KIF26B: variants seen among roughly 807,000 people sequenced by gnomAD.
KIF26B encodes kinesin-like protein KIF26B.
Under a neutral mutation model 151.2 loss-of-function variants are expected in KIF26B, and 63 were observed. The observed-to-expected ratio is 0.42, with a 90% confidence interval of 0.34 to 0.51. The LOEUF (loss-of-function observed/expected upper bound fraction) is 0.51, where lower values mean the gene tolerates loss of function less well. Ranked by LOEUF, KIF26B falls within the 20% of genes least tolerant of loss-of-function variation. The probability of loss-of-function intolerance (pLI) is 0.07; values close to 1 mark genes in which losing one functional copy is unlikely to be tolerated. For missense variants in KIF26B, 2,813 were observed against 2,913.6 expected, an observed-to-expected ratio of 0.97 and a Z score of 0.79; for synonymous variants, 1,357 against 1,262.1, an observed-to-expected ratio of 1.08 and a Z score of -1.59.
intron 4 of KIF26B, among the ~76,000 whole-genome samples, chr1:245,515,290 G>A (rs1660936220): frequency 1.3e-5 from 2 of 152,068 alleles, no homozygotes; most frequent in Admixed American, 6.5e-5. Context: ...GAGGGTCAGG[G>A]CTTCTCCTCT....
rs547055371 is a variant in KIF26B at position 245,362,098 on chromosome 1, G to A, written c.466-4736G>A. On this transcript the variant is annotated intron_variant, in intron 2 of 14. Coordinates refer to ENST00000407071, the MANE Select transcript of KIF26B (RefSeq NM_018012.4). ...ACTCCTGCTGTGTAGATTCAGGGGC[G>A]AAGAGAGTCTCGCGGTGAGAAATAC... Among the ~76,000 whole-genome samples the A allele has an allele frequency of 2.0e-5, 3 of 147,824 alleles. No homozygotes were observed. In the East Asian group the frequency reaches 6.1e-4, roughly 30 times the overall value.
At chr1:245,444,411 C>T (rs1019309002) in intron 4 of KIF26B, among the ~76,000 whole-genome samples, 4 of 152,118 alleles carry the variant, frequency 2.6e-5, no homozygotes, top group African/African-American at 9.7e-5. Context: ...GGCTAAGCAG[C>T]AGCGTGGCGA....
At chr1:245,475,256 C>T (rs879749344) in intron 4 of KIF26B, among the ~76,000 whole-genome samples, 2 of 151,828 alleles carry the variant, frequency 1.3e-5, no homozygotes, top group Non-Finnish European at 2.9e-5. Flanking sequence ...TGACCCAACA[C>T]CGGCTGCCTC....
intron 2 of KIF26B, among the ~76,000 whole-genome samples, chr1:245,309,250 G>A (rs1671618575): frequency 6.6e-6 from 1 of 152,094 alleles, no homozygotes; most frequent in East Asian, 1.9e-4. Context: ...AACTTGACTG[G>A]GCCGCGGGAT....
At chr1:245,344,005 G>A (rs180965596) in intron 2 of KIF26B, among the ~76,000 whole-genome samples, 1 of 152,198 alleles carries the variant, frequency 6.6e-6, no homozygotes, top group East Asian at 1.9e-4. Flanking sequence ...GTGCAGGTAG[G>A]GCTCTGGCCT....
intron 10 of KIF26B, among the ~76,000 whole-genome samples, chr1:245,682,949 C>T (rs926855148): frequency 6.6e-5 from 10 of 152,178 alleles, no homozygotes; most frequent in Non-Finnish European, 1.2e-4. Flanking sequence ...TACCTCGCCA[C>T]GTTCATCACT....
rs1346938507 is a variant in KIF26B, at chr1:245,366,936, C to T, written c.568C>T (p.His190Tyr). Reference protein sequence around the residue: ...RDNRCDICATHLNQLKQEAIQ... With the variant: ...RDNRCDICATYLNQLKQEAIQ... ...CAACCGCTGTGACATTTGCGCCACTCACCTGAACCAGTTGAAGCAGGAGGC... is the reference window on the plus strand; with the variant it reads ...CAACCGCTGTGACATTTGCGCCACTTACCTGAACCAGTTGAAGCAGGAGGC... Residue 190 changes from histidine (H) to tyrosine (Y), a missense_variant, in exon 3 of 15, where the codon CAC (histidine) becomes TAC (tyrosine). By Grantham distance (83) the His-to-Tyr change is moderately conservative. Transcript: ENST00000407071. The T allele has an allele frequency of 6.2e-7, 1 of 1,614,072 alleles. No homozygotes were observed. The highest frequency in any genetic ancestry group is 8.5e-7 in the Non-Finnish European group (1 of 1,179,896).
chr1:245,700,550 T>C (rs896479644), intron 14 of KIF26B, among the ~76,000 whole-genome samples: 2 of 151,998 alleles, frequency 1.3e-5, no homozygotes, highest in African/African-American at 2.4e-5. Flanking sequence ...ATACAAAAAT[T>C]AGCCGGGCGT....
In KIF26B at chr1:245,687,213, C is replaced by T. The variant is rs753281000; in HGVS notation, c.4230C>T (p.Pro1410=). Residue 1410 remains proline, a synonymous_variant, in exon 12 of 15, where the codon CCC becomes CCT. Transcript: ENST00000407071. The surrounding 1 kb of genome is among the most constrained non-coding windows in gnomAD (Gnocchi z 4.9). The stretch of plus-strand genomic sequence containing the variant: ...GGAACATCCAAGAGCCGGAGGCCCC[C>T]ACCGCCACCCCCAAAGCAGGCCCCA... ...SPRNIQEPEA[P]TATPKAGPTL... is the part of the protein sequence containing the mutation. The T allele has an allele frequency of 5.0e-6, 8 of 1,612,944 alleles. No homozygotes were observed. In the South Asian group the frequency reaches 7.7e-5, roughly 16 times the overall value.
At chr1:245,158,626 G>T (rs939507303) in intron 2 of KIF26B, among the ~76,000 whole-genome samples, 2 of 152,180 alleles carry the variant, frequency 1.3e-5, no homozygotes, top group Non-Finnish European at 2.9e-5. Context: ...AGTCACAGGG[G>T]ATCACTTTAA....
intron 2 of KIF26B, among the ~76,000 whole-genome samples, chr1:245,247,288 TAAAA>T (rs769748932): frequency 2.8e-4 from 33 of 116,740 alleles, no homozygotes; most frequent in African/African-American, 1.0e-3. Context: ...TCATCTCTAC[TAAAA>T]AAAAAAAAAA....
At chr1:245,520,786 C>T (rs1661084055) in intron 4 of KIF26B, among the ~76,000 whole-genome samples, 1 of 152,174 alleles carries the variant, frequency 6.6e-6, no homozygotes, top group Non-Finnish European at 1.5e-5. Context: ...TCAGCCCTGA[C>T]CACATGCCTT....
At chr1:245,539,276 A>T (rs1025836458) in intron 4 of KIF26B, among the ~76,000 whole-genome samples, 11 of 152,186 alleles carry the variant, frequency 7.2e-5, no homozygotes, top group Non-Finnish European at 1.0e-4. Context: ...CAAAAGCATG[A>T]CACTTAATGA....
chr1:245,319,525 T>A (rs545138102), intron 2 of KIF26B, among the ~76,000 whole-genome samples: 71 of 149,632 alleles, frequency 4.7e-4, no homozygotes, highest in African/African-American at 1.6e-3. Context: ...TTTTTTTTTT[T>A]AATCAAAATA....
chr1:245,692,252 A>G (rs1356804228), intron 12 of KIF26B, among the ~76,000 whole-genome samples: 1 of 152,126 alleles, frequency 6.6e-6, no homozygotes, highest in East Asian at 1.9e-4. Context: ...CACAGGGGAC[A>G]AGGCCACTGT....
At chr1:245,552,747 A>G (rs549749112) in intron 5 of KIF26B, among the ~76,000 whole-genome samples, 1 of 151,958 alleles carries the variant, frequency 6.6e-6, no homozygotes, top group South Asian at 2.1e-4. Context: ...TTACAGGCAC[A>G]TGCCACCACT....
chr1:245,552,122 G>GATGT (rs1553287299), intron 5 of KIF26B, among the ~76,000 whole-genome samples: 7,243 of 131,630 alleles, frequency 0.055, 470 homozygotes, highest in Non-Finnish European at 0.07. Flanking sequence ...GAACCAGCAG[G>GATGT]GTGTGTGTGT....
At chr1:245,657,058 T>C (rs147084658) in intron 10 of KIF26B, among the ~76,000 whole-genome samples, 1 of 152,230 alleles carries the variant, frequency 6.6e-6, no homozygotes, top group African/African-American at 2.4e-5. Context: ...CTCTGTTCTT[T>C]AGGGCAATGA....
Position 245,702,608 on chromosome 1 carries a change from T to A in KIF26B, c.*2T>A. ...GACATCACCTCCAGGCGCCGGTAGATGAGCCAGACCCTTGTCCTAGTGGTC... is the reference window on the plus strand; with the variant it reads ...GACATCACCTCCAGGCGCCGGTAGAAGAGCCAGACCCTTGTCCTAGTGGTC... On this transcript the variant is annotated 3_prime_UTR_variant, in exon 15 of 15. Transcript: ENST00000407071. This position sits in a 1 kb window ranked among gnomAD's most constrained non-coding sequence, Gnocchi z 4.1. 1 of 1,613,534 alleles carries A rather than the reference T, an allele frequency of 6.2e-7. No individual in the cohort carries two copies. Among genetic ancestry groups the A allele is most frequent in the Non-Finnish European group, 8.5e-7 (1 of 1,179,668 alleles).
Sources: allele counts gnomAD v4.1 joint callset (sites outside exome capture counted in the v4.1 genomes callset), GRCh38; gene constraint gnomAD v4.1.1; non-coding constraint Gnocchi (gnomAD v3.1); transcripts MANE v1.5; gene names NCBI Gene and HGNC (gene_info 2026-07-23, HGNC 2026-07-21).